The following CALN1 variants were observed in gnomAD, a reference collection of about 807,000 sequenced individuals.
The protein encoded by CALN1 is calneuron 1.
A neutral mutation model predicts 30.6 loss-of-function variants in CALN1; 17 were observed. The ratio of observed to expected loss-of-function variants is 0.56; its 90% CI spans 0.38 to 0.83. CALN1 has a LOEUF of 0.83. Ranked by LOEUF, CALN1 falls within the 40% of genes least tolerant of loss-of-function variation. The pLI is 0.00. For synonymous variants in CALN1, 156 were observed against 131.4 expected (o/e 1.19, Z -1.28); for missense variants, 291 against 354.9 (o/e 0.82, Z 1.45).
intron 2 of CALN1, among the ~76,000 whole-genome samples, chr7:72,310,123 C>T (rs1799943632): frequency 4.0e-5 from 6 of 151,872 alleles, no homozygotes; most frequent in Admixed American, 2.0e-4. Flanking sequence ...TTCTGCAACC[C>T]TTAAGTCTCT....
chr7:71,831,884 AAAAAAAAAAAAAAC>A (rs1584322764), intron 5 of CALN1, among the ~76,000 whole-genome samples: 2 of 149,756 alleles, frequency 1.3e-5, no homozygotes, highest in East Asian at 1.9e-4. Context: ...AAAAAAAAAA[AAAAAAAAAAAAAAC>A]AAACCAAAAA....
At chr7:71,915,052 G>A (rs1794617669) in intron 5 of CALN1, among the ~76,000 whole-genome samples, 1 of 152,222 alleles carries the variant, frequency 6.6e-6, no homozygotes, top group Admixed American at 6.5e-5. Context: ...AACACTTCCT[G>A]TGTTTTGTTT....
intron 1 of CALN1, among the ~76,000 whole-genome samples, chr7:72,405,238 C>T (rs140648483): frequency 6.6e-6 from 1 of 152,342 alleles, no homozygotes; most frequent in East Asian, 1.9e-4. Flanking sequence ...CACCAAACAG[C>T]ACATGTGCAA....
In CALN1 at chr7:72,053,449, T is replaced by C. The variant is rs886358659; in HGVS notation, c.389-29680A>G. Among the ~76,000 whole-genome samples the C allele has an allele frequency of 5.3e-5, 8 of 152,320 alleles. No homozygotes were observed. In the South Asian group the frequency reaches 1.7e-3, roughly 32 times the overall value. ...CCAGTAATGGGAGTGCTGGGTTGAATGGCAGTTCTGTTTTTAGCTCTTTGA... is the reference window on the plus strand; with the variant it reads ...CCAGTAATGGGAGTGCTGGGTTGAACGGCAGTTCTGTTTTTAGCTCTTTGA... On this transcript the variant is annotated intron_variant, in intron 4 of 6. Coordinates refer to ENST00000395275, the MANE Select transcript of CALN1 (RefSeq NM_031468.4).
intron 5 of CALN1, among the ~76,000 whole-genome samples, chr7:71,965,003 A>T (rs1441657073): frequency 6.6e-6 from 1 of 152,094 alleles, no homozygotes; most frequent in Non-Finnish European, 1.5e-5. Context: ...GGAAAATAAG[A>T]ATGTTTTCTG....
At chr7:72,191,411 G>A (rs112290224) in intron 3 of CALN1, among the ~76,000 whole-genome samples, 1,802 of 152,112 alleles carry the variant, frequency 0.012, 31 homozygotes, top group African/African-American at 0.04. Flanking sequence ...AGACCAGCCT[G>A]GCCAACACAG....
intron 3 of CALN1, among the ~76,000 whole-genome samples, chr7:72,227,144 G>A (rs959938742): frequency 2.0e-5 from 3 of 151,792 alleles, no homozygotes; most frequent in African/African-American, 7.3e-5. Flanking sequence ...CTACCTGGGC[G>A]ACAGTTTCAA....
At chr7:72,112,086 T>C (rs1807620721) in intron 3 of CALN1, among the ~76,000 whole-genome samples, 2 of 152,144 alleles carry the variant, frequency 1.3e-5, no homozygotes, top group South Asian at 2.1e-4. Flanking sequence ...CATTGGGACC[T>C]AGTGCCCTCT....
At chr7:72,384,471 A>G (rs1196935769) in intron 2 of CALN1, among the ~76,000 whole-genome samples, 1 of 152,176 alleles carries the variant, frequency 6.6e-6, no homozygotes, top group Non-Finnish European at 1.5e-5. Context: ...ATTTGGGTTA[A>G]TGAAAATTAA....
chr7:72,247,892 G>T (rs1296364913), intron 3 of CALN1, among the ~76,000 whole-genome samples: 2 of 152,190 alleles, frequency 1.3e-5, no homozygotes, highest in African/African-American at 4.8e-5. Context: ...CAGCTACTTG[G>T]AAGGCTGAGA....
intron 3 of CALN1, among the ~76,000 whole-genome samples, chr7:72,137,326 C>A (rs149554880): frequency 2.0e-5 from 3 of 152,132 alleles, no homozygotes; most frequent in Non-Finnish European, 4.4e-5. Flanking sequence ...GAACTTACAA[C>A]GGTGGTGTTT....
At chr7:71,854,047 T>TTG (rs372232671) in intron 5 of CALN1, among the ~76,000 whole-genome samples, 1,916 of 151,392 alleles carry the variant, frequency 0.013, 33 homozygotes, top group African/African-American at 0.039. Context: ...CTAAATTAAT[T>TTG]TGTGTGTGTG....
At chr7:72,442,522 TA>T (rs1808381072) in intron 1 of CALN1, among the ~76,000 whole-genome samples, 1 of 152,196 alleles carries the variant, frequency 6.6e-6, no homozygotes, top group Admixed American at 6.5e-5. Context: ...GATTGCACTT[TA>T]TGTAGGGTTG....
intron 4 of CALN1, among the ~76,000 whole-genome samples, chr7:72,080,953 T>C (rs1004144528): frequency 2.0e-5 from 3 of 152,052 alleles, no homozygotes; most frequent in African/African-American, 7.2e-5. Context: ...CCGGGCCCAA[T>C]CCAGTGACCT....
chr7:72,271,575 A>AAAAAAAAAAAATATATATATATAT, intron 3 of CALN1, among the ~76,000 whole-genome samples: 14 of 52,118 alleles, frequency 2.7e-4, no homozygotes, highest in African/African-American at 5.4e-4. Context: ...AAAAAAAAAA[A>AAAAAAAAAAAATATATATATATAT]ATATATATAT....
the CALN1 span, among the ~76,000 whole-genome samples, chr7:72,489,023 AT>A: frequency 7.3e-5 from 11 of 151,618 alleles, no homozygotes; most frequent in African/African-American, 2.4e-4. Flanking sequence ...ATATGGTAAA[AT>A]TTTTTTTTCT....
At chr7:72,448,528 T>C (rs946342195), upstream of CALN1, among the ~76,000 whole-genome samples, 2 of 152,096 alleles carry the variant, frequency 1.3e-5, no homozygotes, top group African/African-American at 2.4e-5. Context: ...ATCCTCACAA[T>C]AGCTCATTGC....
intron 5 of CALN1, among the ~76,000 whole-genome samples, chr7:71,842,741 T>C (rs1284389350): frequency 6.6e-6 from 1 of 152,188 alleles, no homozygotes; most frequent in Non-Finnish European, 1.5e-5. Context: ...TGCCTGGCTT[T>C]GAACCCCATA....
chr7:72,501,370 TAAAAAAAAAAAAAAAAAA>T, the CALN1 span, among the ~76,000 whole-genome samples: 2 of 42,798 alleles, frequency 4.7e-5, no homozygotes, highest in South Asian at 3.2e-3. Flanking sequence ...ACGTCTCTAT[TAAAAAAAAAAAAAAAAAA>T]AAAAAAAAAG....
Sources: gnomAD v4.1 joint callset for allele counts (sites outside exome capture counted in the v4.1 genomes callset) on GRCh38, gnomAD v4.1.1 for gene constraint, MANE v1.5 for transcripts, NCBI Gene and HGNC (gene_info 2026-07-23, HGNC 2026-07-21) for gene names.